TENM2: variants seen among roughly 807,000 people sequenced by gnomAD.
TENM2 encodes the protein teneurin transmembrane protein 2, also known as teneurin-2.
TENM2 carries 52 observed loss-of-function variants against 245.2 expected under a neutral mutation model. That is an observed-to-expected ratio of 0.21 (90% CI 0.17 to 0.27). The LOEUF is 0.27. TENM2 is among the 10% of genes least tolerant of loss of function. The pLI is 1.00. For missense variants in TENM2, 3,046 were observed against 3,666.8 expected (o/e 0.83, Z 4.37); for synonymous variants, 1,363 against 1,438.9 (o/e 0.95, Z 1.19).
At chr5:167,121,305 CAAAT>C in the TENM2 span, among the ~76,000 whole-genome samples, 1 of 151,988 alleles carries the variant, frequency 6.6e-6, no homozygotes, top group Non-Finnish European at 1.5e-5. Flanking sequence ...TGATGGGAAA[CAAAT>C]AAAACCTGGC....
the TENM2 span, among the ~76,000 whole-genome samples, chr5:167,102,847 C>T: frequency 6.6e-6 from 1 of 152,138 alleles, no homozygotes; most frequent in East Asian, 1.9e-4. Flanking sequence ...TTAGTAGAGA[C>T]GGGGGTTTCA....
At chr5:168,150,265 T>C (rs1311482934) in intron 12 of TENM2, among the ~76,000 whole-genome samples, 1 of 152,240 alleles carries the variant, frequency 6.6e-6, no homozygotes, top group Non-Finnish European at 1.5e-5. Flanking sequence ...AATAAACTCA[T>C]GAGTCTACAG....
At chr5:168,040,624 A>C (rs992288705) in intron 5 of TENM2, among the ~76,000 whole-genome samples, 6 of 152,244 alleles carry the variant, frequency 3.9e-5, no homozygotes, top group African/African-American at 1.4e-4. Context: ...TTTAAGATTT[A>C]AATTTTTAAA....
chr5:167,801,103 A>ATAT (rs1561795290), intron 2 of TENM2, among the ~76,000 whole-genome samples: 1 of 64,500 alleles, frequency 1.6e-5, no homozygotes, highest in Non-Finnish European at 2.8e-5. Context: ...AAGAAAAAAA[A>ATAT]AAAAAAATAT....
chr5:168,193,394 A>G (rs1169584912), intron 14 of TENM2, among the ~76,000 whole-genome samples: 1 of 152,344 alleles, frequency 6.6e-6, no homozygotes, highest in South Asian at 2.1e-4. Flanking sequence ...CACCACTATA[A>G]TTTATAGAGC....
intron 3 of TENM2, among the ~76,000 whole-genome samples, chr5:167,892,156 A>G (rs1428527341): frequency 6.6e-6 from 1 of 152,256 alleles, no homozygotes; most frequent in African/African-American, 2.4e-5. Flanking sequence ...AGAAAAGAGA[A>G]GTGCTACATT....
chr5:168,025,934 A>C (rs1023423038), intron 5 of TENM2, among the ~76,000 whole-genome samples: 3 of 152,170 alleles, frequency 2.0e-5, no homozygotes, highest in Admixed American at 6.5e-5. Flanking sequence ...TGAGCTCCAA[A>C]GGCGGAACTC....
At chr5:167,927,625 A>G (rs1404867370) in intron 3 of TENM2, among the ~76,000 whole-genome samples, 7 of 152,324 alleles carry the variant, frequency 4.6e-5, no homozygotes, top group South Asian at 4.1e-4. Flanking sequence ...AGTGGTTTGC[A>G]TTCGAAGAAA....
chr5:168,244,086 T>C lies in TENM2; in HGVS notation c.5521-334T>C, dbSNP rs906578995. Among the ~76,000 whole-genome samples the C allele has an allele frequency of 2.6e-5, 4 of 151,964 alleles. No individual in the cohort carries two copies. Among genetic ancestry groups the C allele is most frequent in the South Asian group, 2.1e-4 (1 of 4,800 alleles). On this transcript the variant is annotated intron_variant, in intron 25 of 28. Transcript: ENST00000518659. The surrounding 1 kb of genome is among the most constrained non-coding windows in gnomAD (Gnocchi z 4.9). ...CCCAGTAGCTGGAACTACAGGTGCA[T>C]GCCACCATGCCAGCTAATTTTTATA...
intron 2 of TENM2, among the ~76,000 whole-genome samples, chr5:167,757,324 G>C (rs1290253387): frequency 3.4e-5 from 5 of 148,570 alleles, no homozygotes; most frequent in African/African-American, 1.2e-4. Context: ...TCCCACTTAT[G>C]AGTGAGAACA....
chr5:167,655,874 G>A lies in TENM2; in HGVS notation c.503-220112G>A, dbSNP rs573643088. ...TACTATCCTAAACTAGCTCTTTTCC[G>A]CCTGCCAGGGCCACCTTTTGAATCT... On this transcript the variant is annotated intron_variant, in intron 2 of 28. Coordinates refer to ENST00000518659, the Ensembl canonical transcript of TENM2. Among the ~76,000 whole-genome samples, 66 of 152,204 alleles carry A rather than the reference G, an allele frequency of 4.3e-4. 1 individual carries two copies. Among genetic ancestry groups the A allele is most frequent in the South Asian group, 3.5e-3 (17 of 4,818 alleles).
Position 168,218,358 on chromosome 5 carries a change from C to T in TENM2, c.4467C>T (p.Tyr1489=), listed in dbSNP as rs372917478. 40 of 1,614,062 alleles carry T rather than the reference C, an allele frequency of 2.5e-5. No homozygotes were observed. The African/African-American group carries it at 3.5e-4, about 14-fold the overall frequency. The change falls in exon 23 of 29, where the codon TAC becomes TAT. Residue 1489 remains tyrosine, a synonymous_variant. Transcript: ENST00000518659. This position sits in a 1 kb window ranked among gnomAD's most constrained non-coding sequence, Gnocchi z 5.2. Reference sequence around the variant, plus strand: ...CCATTTCTCACACTGGGGTCCTCTACATCACTGAGACAGATGAGAAGAAGA... The same window carrying T: ...CCATTTCTCACACTGGGGTCCTCTATATCACTGAGACAGATGAGAAGAAGA...
chr5:167,409,727 T>C (rs1762811280), intron 2 of TENM2, among the ~76,000 whole-genome samples: 1 of 151,966 alleles, frequency 6.6e-6, no homozygotes, highest in East Asian at 1.9e-4. Context: ...TTGGTAGTGT[T>C]AAATGTGCTT....
At chr5:167,798,595 A>G (rs1313476475) in intron 2 of TENM2, among the ~76,000 whole-genome samples, 1 of 152,208 alleles carries the variant, frequency 6.6e-6, no homozygotes, top group African/African-American at 2.4e-5. Context: ...AAGCACTCAA[A>G]GGAGTAAGAC....
chr5:168,228,956 TGTATACATAATATACATATAC>T lies in TENM2; in HGVS notation c.5520+847_5520+867del, dbSNP rs1322511279. Reference sequence around the variant, plus strand: ...ATAATGTATAATTATATACATTATATGTATACATAATATACATATACGTATACATAATATACATATATAATA... The same window carrying T: ...ATAATGTATAATTATATACATTATATGTATACATAATATACATATATAATA... On this transcript the variant is annotated intron_variant, in intron 25 of 28. Coordinates refer to ENST00000518659, the Ensembl canonical transcript of TENM2. Among the ~76,000 whole-genome samples, 54 of 147,994 alleles carry T rather than the reference TGTATACATAATATACATATAC, an allele frequency of 3.6e-4. 2 individuals carry two copies. Among genetic ancestry groups the T allele is most frequent in the Admixed American group, 3.1e-3 (45 of 14,736 alleles).
the TENM2 span, among the ~76,000 whole-genome samples, chr5:167,240,841 C>A: frequency 8.5e-5 from 13 of 152,156 alleles, no homozygotes. Context: ...CTCCTCATGT[C>A]TCCTTGCATT....
chr5:167,646,657 AG>A (rs2150271490), intron 2 of TENM2, among the ~76,000 whole-genome samples: 1 of 152,274 alleles, frequency 6.6e-6, no homozygotes, highest in African/African-American at 2.4e-5. Flanking sequence ...TGCGTGAACC[AG>A]ACTGGCTGTG....
intron 2 of TENM2, among the ~76,000 whole-genome samples, chr5:167,836,907 G>A (rs1228937745): frequency 6.6e-6 from 1 of 152,126 alleles, no homozygotes; most frequent in Non-Finnish European, 1.5e-5. Context: ...TTTCTGAGAG[G>A]AGGCACTGGA....
intron 12 of TENM2, among the ~76,000 whole-genome samples, chr5:168,156,255 A>AAAAAC (rs1554210139): frequency 6.7e-6 from 1 of 149,824 alleles, no homozygotes; most frequent in Admixed American, 6.6e-5. Context: ...GTTAAAAAAA[A>AAAAAC]AAAAAAAAAA....
Sources: gnomAD v4.1 joint callset for allele counts (sites outside exome capture counted in the v4.1 genomes callset) on GRCh38, gnomAD v4.1.1 for gene constraint, Gnocchi (gnomAD v3.1) non-coding constraint, MANE v1.5 for transcripts, NCBI Gene and HGNC (gene_info 2026-07-23, HGNC 2026-07-21) for gene names.